Variants in FSIP2 observed in about 807,000 individuals in gnomAD.
The protein encoded by FSIP2 is fibrous sheath interacting protein 2, also known as fibrous sheath-interacting protein 2.
Under a neutral mutation model 510.5 loss-of-function variants are expected in FSIP2, and 367 were observed. The observed-to-expected ratio is 0.72, with a 90% CI of 0.66 to 0.78. The LOEUF is 0.78. Among genes scored for constraint, FSIP2 ranks in the 30% least tolerant of loss-of-function variants. FSIP2 has a pLI of 0.00. For synonymous variants in FSIP2, 2,601 were observed against 2,732.2 expected, an observed-to-expected ratio of 0.95 and a Z score of 1.50; for missense variants, 7,594 against 7,901.7, an observed-to-expected ratio of 0.96 and a Z score of 1.48.
chr2:185,754,474 A>T (rs898241884), intron 8 of FSIP2, among the ~76,000 whole-genome samples: 1 of 151,454 alleles, frequency 6.6e-6, no homozygotes, highest in East Asian at 1.9e-4. Context: ...TATCTCATCA[A>T]TCCCATTTCT....
At chr2:185,780,364 T>C (rs1277980410) in intron 13 of FSIP2, among the ~76,000 whole-genome samples, 1 of 151,988 alleles carries the variant, frequency 6.6e-6, no homozygotes, top group Admixed American at 6.5e-5. Context: ...ATTCCTGTTG[T>C]TAATTTCTTC....
In FSIP2 at chr2:185,790,765, T is replaced by C. The variant is rs1436788623; in HGVS notation, c.3629T>C (p.Ile1210Thr). ...ISLHNSDTEHIVKEAPNKYPL... is the reference protein window; with the variant it reads ...ISLHNSDTEHTVKEAPNKYPL... ...TTACATAATTCTGACACTGAACACA[T>C]AGTCAAAGAAGCACCAAATAAATAC... The change falls in exon 16 of 23, where the codon ATA becomes ACA. Residue 1210 changes from isoleucine to threonine, a missense_variant. Ile to Thr is a moderately conservative substitution (Grantham distance 89). Coordinates refer to ENST00000424728, the MANE Select transcript of FSIP2 (RefSeq NM_173651.4). 7.8e-6 allele frequency: 12 copies of C among 1,531,988 alleles called. No individual in the cohort carries two copies. Among genetic ancestry groups the C allele is most frequent in the African/African-American group, 2.7e-5 (2 of 72,746 alleles). The allele number at this position is 1,531,988 out of a possible 1,614,324, so 94.9% of individuals were successfully genotyped here. A position where few individuals can be genotyped will look rare whatever the true frequency, so the allele number is the denominator to read the frequency against.
rs933164141 is a variant in FSIP2 at position 185,792,472 on chromosome 2, C to T, written c.5336C>T (p.Pro1779Leu). 6 of 1,529,694 alleles carry T rather than the reference C, an allele frequency of 3.9e-6. No individual in the cohort carries two copies. Among genetic ancestry groups the T allele is most frequent in the Admixed American group, 3.9e-5 (2 of 50,664 alleles). The allele number at this position is 1,529,694 out of a possible 1,614,324, so 94.8% of individuals were successfully genotyped here. ...LKEPHISPIA[P>L]IIRNILNEIF... ...GAACCACATATATCTCCAATTGCTCCCATTATAAGAAATATTTTGAATGAA... is the reference window on the plus strand; with the variant it reads ...GAACCACATATATCTCCAATTGCTCTCATTATAAGAAATATTTTGAATGAA... The change falls in exon 16 of 23, where the codon CCC becomes CTC. Residue 1779 changes from proline to leucine, a missense_variant. Physicochemically the swap from Pro to Leu is moderately conservative, Grantham distance 98. Coordinates refer to ENST00000424728, the MANE Select transcript of FSIP2 (RefSeq NM_173651.4).
chr2:185,759,230 T>A (rs987867512), intron 9 of FSIP2, among the ~76,000 whole-genome samples: 7 of 150,794 alleles, frequency 4.6e-5, no homozygotes, highest in Non-Finnish European at 8.9e-5. Context: ...GTATCATTAA[T>A]GGGTGTTGAA....
chr2:185,816,419 T>C (rs887318089), intron 19 of FSIP2, among the ~76,000 whole-genome samples: 1 of 151,922 alleles, frequency 6.6e-6, no homozygotes, highest in African/African-American at 2.4e-5. Flanking sequence ...TAGAGCAAGA[T>C]AATACCAGGA....
At position 185,792,235 on chromosome 2, in the gene FSIP2, C is replaced by G. The variant is rs941433387; in HGVS notation, c.5099C>G (p.Ser1700Cys). The change falls in exon 16 of 23, where the codon TCT becomes TGT. Residue 1700 changes from serine (S) to cysteine (C), a missense_variant. Physicochemically the swap from Ser to Cys is moderately radical, Grantham distance 112. Transcript: ENST00000424728. ...TCCGATATGTTTAATGAAATGGAAT[C>G]TGAAGGGGGAGGCATTGAAACTTAT... ...VSSDMFNEME[S>C]EGGGIETYRY... 1.6e-5 allele frequency: 24 copies of G among 1,532,746 alleles called. No homozygotes were observed. The African/African-American group carries it at 2.8e-4, about 18-fold the overall frequency. The allele number at this position is 1,532,746 out of a possible 1,614,324, so 94.9% of individuals were successfully genotyped here.
chr2:185,826,726 A>C lies in FSIP2; in HGVS notation c.20474-1430A>C, dbSNP rs564199505. On this transcript the variant is annotated intron_variant, in intron 20 of 22. Coordinates refer to ENST00000424728, the MANE Select transcript of FSIP2 (RefSeq NM_173651.4). ...GAGCCTAAAACACTATTTTGTTTAT[A>C]GTAGATACAGGGATTAATGAGATAG... Among the ~76,000 whole-genome samples the C allele has an allele frequency of 1.3e-3, 203 of 152,004 alleles. 1 individual carries two copies. Among genetic ancestry groups the C allele is most frequent in the Non-Finnish European group, 2.3e-3 (158 of 67,880 alleles).
Position 185,743,170 on chromosome 2 carries a change from C to T in FSIP2, c.263C>T (p.Pro88Leu), listed in dbSNP as rs1301688828. The change falls in exon 3 of 23, where the codon CCC (proline) becomes CTC (leucine). Residue 88 changes from proline to leucine, a missense_variant. Physicochemically the swap from Pro to Leu is moderately conservative, Grantham distance 98 (BLOSUM62 -3). Transcript: ENST00000424728. ...TCTTATGGTTTTAACCTGACTGATCCCTATTGTCGACTTTTGGAAAACCAA... is the reference window on the plus strand; with the variant it reads ...TCTTATGGTTTTAACCTGACTGATCTCTATTGTCGACTTTTGGAAAACCAA... ...RPSYGFNLTDPYCRLLENQYK... is the reference protein window; with the variant it reads ...RPSYGFNLTDLYCRLLENQYK... 3 of 1,522,254 alleles carry T rather than the reference C, an allele frequency of 2.0e-6. No homozygotes were observed. Among genetic ancestry groups the T allele is most frequent in the Admixed American group, 2.1e-5 (1 of 48,432 alleles). The allele number at this position is 1,522,254 out of a possible 1,614,324, so 94.3% of individuals were successfully genotyped here. A position where few individuals can be genotyped will look rare whatever the true frequency, so the allele number is the denominator to read the frequency against.
rs747366643 is a variant in FSIP2, at chr2:185,805,162, C to T, written c.15856C>T (p.His5286Tyr). Residue 5286 changes from histidine (H) to tyrosine (Y), a missense_variant, in exon 17 of 23, where the codon CAC becomes TAC. Coordinates refer to ENST00000424728, the MANE Select transcript of FSIP2 (RefSeq NM_173651.4). ...FLEDIIIDLV[H>Y]KFCSLLIITE... is the part of the protein sequence containing the mutation. Reference sequence around the variant, plus strand: ...GGAAGACATAATCATTGACCTTGTTCACAAATTTTGTTCTCTCCTCATTAT... The same window carrying T: ...GGAAGACATAATCATTGACCTTGTTTACAAATTTTGTTCTCTCCTCATTAT... 3.1e-6 allele frequency: 5 copies of T among 1,610,016 alleles called. No individual in the cohort carries two copies. The highest frequency in any genetic ancestry group is 4.2e-6 in the Non-Finnish European group (5 of 1,177,722).
intron 21 of FSIP2, among the ~76,000 whole-genome samples, chr2:185,830,579 C>G (rs1694090721): frequency 6.6e-6 from 1 of 151,836 alleles, no homozygotes; most frequent in Non-Finnish European, 1.5e-5. Flanking sequence ...TTCTAGATTA[C>G]TTATCATAAC....
Position 185,788,665 on chromosome 2 carries a change from T to G in FSIP2, c.1529T>G (p.Ile510Ser), listed in dbSNP as rs1232709759. The change falls in exon 16 of 23, where the codon ATT becomes AGT. Residue 510 changes from isoleucine (I) to serine (S), a missense_variant. By Grantham distance (142) the Ile-to-Ser change is moderately radical. Transcript: ENST00000424728. ...CAGGTAACTTCTGAAGAACTGAATATTATAATTCAGAATGTAATGACCTGG... is the reference window on the plus strand; with the variant it reads ...CAGGTAACTTCTGAAGAACTGAATAGTATAATTCAGAATGTAATGACCTGG... ...QEKVTSEELN[I>S]IIQNVMTWVV... The G allele has an allele frequency of 1.6e-5, 25 of 1,515,578 alleles. No homozygotes were observed. Among genetic ancestry groups the G allele is most frequent in the African/African-American group, 2.8e-5 (2 of 71,936 alleles). The allele number at this position is 1,515,578 out of a possible 1,614,324, so 93.9% of individuals were successfully genotyped here.
In FSIP2 at chr2:185,761,990, A is replaced by G; in HGVS notation, c.1213A>G (p.Lys405Glu). Residue 405 changes from lysine (K) to glutamate (E), a missense_variant, in exon 11 of 23, where the codon AAA becomes GAA. By Grantham distance (56) the Lys-to-Glu change is moderately conservative. Coordinates refer to ENST00000424728, the MANE Select transcript of FSIP2 (RefSeq NM_173651.4). ...CATGTAGAGAGATGGGATGGTATCT[A>G]AAAACTCAAGTATTTTCGATGATAG... The part of the protein sequence containing the change: ...INQKRDGMVS[K>E]NSSIFDDRGG... 6.7e-7 allele frequency: 1 copy of G among 1,486,244 alleles called. No individual in the cohort carries two copies. 92.1% of individuals were successfully genotyped at this position (1,486,244 alleles called of 1,614,324 possible). A position where few individuals can be genotyped will look rare whatever the true frequency, so the allele number is the denominator to read the frequency against.
In FSIP2 at chr2:185,791,000, A is replaced by G. The variant is rs749728633; in HGVS notation, c.3864A>G (p.Arg1288=). Residue 1288 remains arginine (R), a synonymous_variant, in exon 16 of 23, where the codon CGA becomes CGG. Transcript: ENST00000424728. ...KLHMGFKSSL[R]SQLSKYTAKI... ...ATATGGGCTTCAAATCTTCATTACG[A>G]TCTCAACTTAGTAAGTACACAGCTA... 17 of 1,529,072 alleles carry G rather than the reference A, an allele frequency of 1.1e-5. No individual in the cohort carries two copies. In the African/African-American group the frequency reaches 1.8e-4, roughly 16 times the overall value. 94.7% of individuals were successfully genotyped at this position (1,529,072 alleles called of 1,614,324 possible). A position where few individuals can be genotyped will look rare whatever the true frequency, so the allele number is the denominator to read the frequency against.
At chr2:185,763,600 T>C (rs1242441060) in intron 12 of FSIP2, among the ~76,000 whole-genome samples, 1 of 151,640 alleles carries the variant, frequency 6.6e-6, no homozygotes. Context: ...GTTCGAGAGA[T>C]ACCAGCAAAG....
At chr2:185,779,745 C>A (rs1692802712) in intron 13 of FSIP2, among the ~76,000 whole-genome samples, 2 of 152,060 alleles carry the variant, frequency 1.3e-5, no homozygotes, top group Admixed American at 6.6e-5. Context: ...TCCACTCATT[C>A]CTTCTTGCAT....
At chr2:185,759,669 CATA>C (rs1170226414) in intron 9 of FSIP2, among the ~76,000 whole-genome samples, 1 of 145,228 alleles carries the variant, frequency 6.9e-6, no homozygotes, top group East Asian at 2.0e-4. Context: ...ATATATTATA[CATA>C]ATATTTATTA....
chr2:185,802,435 G>A lies in FSIP2; in HGVS notation c.13129G>A (p.Val4377Ile), dbSNP rs1473655828. Reference sequence around the variant, plus strand: ...TATTGTGGATGAACTTGCCACCTCAGTTTATAGAAATGCTTTAAAGCAGCA... The same window carrying A: ...TATTGTGGATGAACTTGCCACCTCAATTTATAGAAATGCTTTAAAGCAGCA... ...TDIVDELATS[V>I]YRNALKQHGL... is the part of the protein sequence containing the mutation. The change falls in exon 17 of 23, where the codon GTT (valine) becomes ATT (isoleucine). Residue 4377 changes from valine (V) to isoleucine (I), a missense_variant. Coordinates refer to ENST00000424728, the MANE Select transcript of FSIP2 (RefSeq NM_173651.4). 2.0e-6 allele frequency: 3 copies of A among 1,533,928 alleles called. No homozygotes were observed. Among genetic ancestry groups the A allele is most frequent in the Non-Finnish European group, 2.6e-6 (3 of 1,145,480 alleles).
intron 13 of FSIP2, chr2:185,765,792 T>C (rs1378322759): frequency 6.6e-6 from 1 of 151,954 alleles, no homozygotes; most frequent in Admixed American, 6.6e-5. Flanking sequence ...AATGTTCTTC[T>C]ATTTGTTTGT....
Position 185,800,703 on chromosome 2 carries a change from T to G in FSIP2, c.11397T>G (p.Asp3799Glu). The G allele has an allele frequency of 6.5e-7, 1 of 1,534,066 alleles. No homozygotes were observed. Among genetic ancestry groups the G allele is most frequent in the Non-Finnish European group, 8.7e-7 (1 of 1,145,540 alleles). ...QLLKMLQSVE[D>E]GKSDYRKGGM... ...TAAAAATGCTTCAAAGTGTAGAAGA[T>G]GGAAAATCTGATTATCGTAAGGGAG... Residue 3799 changes from aspartate (D) to glutamate (E), a missense_variant, in exon 17 of 23, where the codon GAT becomes GAG. Coordinates refer to ENST00000424728, the MANE Select transcript of FSIP2 (RefSeq NM_173651.4).
Sources: allele counts gnomAD v4.1 joint callset (sites outside exome capture counted in the v4.1 genomes callset), GRCh38; gene constraint gnomAD v4.1.1; transcripts MANE v1.5; gene names NCBI Gene and HGNC (gene_info 2026-07-23, HGNC 2026-07-21).